HYDIN: variants seen among roughly 807,000 people sequenced by gnomAD.
The protein encoded by HYDIN is axonemal central pair apparatus protein HYDIN.
In HYDIN, 132 loss-of-function variants were observed where a neutral mutation model predicts 403.9. The observed-to-expected ratio is 0.33, with a 90% confidence interval of 0.28 to 0.38. The LOEUF is 0.38. Among genes scored for constraint, HYDIN ranks in the 10% least tolerant of loss-of-function variants. The pLI is 1.00. For missense variants in HYDIN, 2,827 were observed against 5,009.5 expected, an observed-to-expected ratio of 0.56 and a Z score of 13.15; for synonymous variants, 1,202 against 1,891.7, an observed-to-expected ratio of 0.64 and a Z score of 9.46.
chr16:70,931,206 T>C (rs2077312163), intron 45 of HYDIN, among the ~76,000 whole-genome samples: 1 of 111,340 alleles, frequency 9.0e-6, no homozygotes, highest in African/African-American at 3.1e-5. Flanking sequence ...TCTCTCTTTC[T>C]TCTGTTTTTT....
chr16:71,157,458 A>C (rs1462754478), intron 6 of HYDIN, among the ~76,000 whole-genome samples: 1 of 151,352 alleles, frequency 6.6e-6, no homozygotes, highest in Non-Finnish European at 1.5e-5. Context: ...TGTGGTTTTT[A>C]GAACGGATCC....
chr16:71,158,526 C>T (rs1597907790), intron 6 of HYDIN, among the ~76,000 whole-genome samples: 1 of 149,726 alleles, frequency 6.7e-6, no homozygotes, highest in Admixed American at 6.6e-5. Context: ...TCAAATTCAG[C>T]CAAACAGCGC....
chr16:71,190,212 A>T (rs1367280465), intron 1 of HYDIN, among the ~76,000 whole-genome samples: 1 of 152,196 alleles, frequency 6.6e-6, no homozygotes, highest in Admixed American at 6.5e-5. Flanking sequence ...ACAAGGGTAC[A>T]AAATGTATAC....
In HYDIN at chr16:70,882,915, C is replaced by T; in HGVS notation, c.9980-20G>A. ...CGAAGGCTGGGGAGTGAAGGGGAGACCATGAGATGCTGCCTGATTGCTGGA... is the reference window on the plus strand; with the variant it reads ...CGAAGGCTGGGGAGTGAAGGGGAGATCATGAGATGCTGCCTGATTGCTGGA... On this transcript the variant is annotated intron_variant, in intron 59 of 85. Coordinates refer to ENST00000393567, the MANE Select transcript of HYDIN (RefSeq NM_001270974.2). 1 of 1,557,982 alleles carries T rather than the reference C, an allele frequency of 6.4e-7. No individual in the cohort carries two copies. The highest frequency in any genetic ancestry group is 8.9e-7 in the Non-Finnish European group (1 of 1,129,076).
chr16:70,941,368 CA>C, intron 43 of HYDIN: 1 of 278,820 alleles, frequency 3.6e-6, no homozygotes, highest in Non-Finnish European at 6.6e-6. Context: ...ACAAGGAAAT[CA>C]GTTGCCTGAG....
chr16:70,900,639 CGA>C (rs1567794078), intron 53 of HYDIN, among the ~76,000 whole-genome samples: 1 of 148,260 alleles, frequency 6.7e-6, no homozygotes. Context: ...GATAGGAATC[CGA>C]TAGGTGACTG....
chr16:71,228,147 T>C (rs889920323), intron 1 of HYDIN, among the ~76,000 whole-genome samples: 36 of 152,166 alleles, frequency 2.4e-4, no homozygotes, highest in African/African-American at 8.0e-4. Context: ...TTACACCTTA[T>C]ACAAAAATTA....
intron 5 of HYDIN, among the ~76,000 whole-genome samples, chr16:71,164,708 C>T (rs1243500769): frequency 9.9e-6 from 1 of 101,214 alleles, no homozygotes; most frequent in Non-Finnish European, 2.0e-5. Flanking sequence ...AACTTATGTC[C>T]CAAACCAAAG....
intron 23 of HYDIN, among the ~76,000 whole-genome samples, chr16:71,016,027 G>A (rs1244205729): frequency 6.6e-6 from 1 of 151,892 alleles, no homozygotes; most frequent in Non-Finnish European, 1.5e-5. Context: ...GGAGCTCAGT[G>A]CTACACATAC....
In HYDIN at chr16:70,863,169, T is replaced by C; in HGVS notation, c.11485A>G (p.Asn3829Asp). Residue 3829 changes from asparagine (N) to aspartate (D), a missense_variant, in exon 68 of 86, where the codon AAT (asparagine) becomes GAT (aspartate). Transcript: ENST00000393567. ...QTRVFEFDVINSGRVQLEFSW... is the reference protein window; with the variant it reads ...QTRVFEFDVIDSGRVQLEFSW... Reference sequence around the variant, plus strand: ...AATTCCAGCTGGACACGTCCTGAATTAATCACATCGAACCTGCAAATCGAT... The same window carrying C: ...AATTCCAGCTGGACACGTCCTGAATCAATCACATCGAACCTGCAAATCGAT... 1 of 1,613,592 alleles carries C rather than the reference T, an allele frequency of 6.2e-7. No homozygotes were observed. Among genetic ancestry groups the C allele is most frequent in the Non-Finnish European group, 8.5e-7 (1 of 1,179,806 alleles).
intron 14 of HYDIN, among the ~76,000 whole-genome samples, 165 bp from the exon 15 acceptor site, chr16:71,067,555 C>A (rs1018371492): frequency 6.1e-5 from 9 of 147,238 alleles, no homozygotes; most frequent in Admixed American, 5.4e-4. Context: ...GGGGTCAGGG[C>A]ATGCTGAGTG....
intron 3 of HYDIN, among the ~76,000 whole-genome samples, chr16:71,181,930 G>T (rs1367737746): frequency 6.6e-6 from 1 of 152,146 alleles, no homozygotes; most frequent in Non-Finnish European, 1.5e-5. Flanking sequence ...AGGACAAGGA[G>T]ATGGCAGACT....
At chr16:71,044,404 A>T (rs2081387565) in intron 18 of HYDIN, among the ~76,000 whole-genome samples, 1 of 145,250 alleles carries the variant, frequency 6.9e-6, no homozygotes, top group South Asian at 2.3e-4. Context: ...TTGTGGTTTT[A>T]TCTTGCCTGG....
At position 70,933,832 on chromosome 16, in the gene HYDIN, T is replaced by C. The variant is rs1367584588; in HGVS notation, c.7158+2120A>G. On this transcript the variant is annotated intron_variant, in intron 45 of 85. Coordinates refer to ENST00000393567, the MANE Select transcript of HYDIN (RefSeq NM_001270974.2). ...CTGCCTGGAATGCCCTTCACTTCGT[T>C]TTGGAATTTGCAAGCTTTTCCTGAC... 2.0e-5 allele frequency: 3 copies of C among 153,608 alleles called. No individual in the cohort carries two copies. The East Asian group carries it at 5.8e-4, about 30-fold the overall frequency. 9.5% of individuals were successfully genotyped at this position (153,608 alleles called of 1,614,324 possible). A position where few individuals can be genotyped will look rare whatever the true frequency, so the allele number is the denominator to read the frequency against.
chr16:71,079,184 G>A (rs1009948802), intron 13 of HYDIN, among the ~76,000 whole-genome samples: 1 of 152,088 alleles, frequency 6.6e-6, no homozygotes, highest in South Asian at 2.1e-4. Flanking sequence ...TTACAGAATT[G>A]AAAGAGCATC....
intron 45 of HYDIN, among the ~76,000 whole-genome samples, chr16:70,925,841 C>T (rs76180088): frequency 6.6e-6 from 1 of 152,058 alleles, no homozygotes; most frequent in Non-Finnish European, 1.5e-5. Context: ...ATTTATGCAG[C>T]CAAAAAACAC....
intron 38 of HYDIN, 101 bp downstream of exon 38, chr16:70,961,858 G>A (rs2078429526): frequency 1.2e-6 from 1 of 866,068 alleles, no homozygotes; most frequent in African/African-American, 1.8e-5. Flanking sequence ...TGGGCTAGGA[G>A]CCATACGAGG....
rs1418485297 is a variant in HYDIN at position 70,804,765 on chromosome 16, GTGATTAATGC to G, written c.*2805_*2814del. 6.6e-6 allele frequency among the ~76,000 whole-genome samples: 1 copy of G among 152,248 alleles called. No individual in the cohort carries two copies. The highest frequency in any genetic ancestry group is 2.4e-5 in the African/African-American group (1 of 41,464). On this transcript the variant is annotated 3_prime_UTR_variant, in exon 86 of 86. Transcript: ENST00000393567. ...GCAGGTCTGAGCGCAGGCTGATCTAGTGATTAATGCTGAGTGTGCTGCAACCTGGGTTCGT... is the reference window on the plus strand; with the variant it reads ...GCAGGTCTGAGCGCAGGCTGATCTAGTGAGTGTGCTGCAACCTGGGTTCGT...
At chr16:71,034,059 TGTGAATCTCCCAGGAAGCTTC>T (rs2081006540) in intron 18 of HYDIN, among the ~76,000 whole-genome samples, 1 of 151,672 alleles carries the variant, frequency 6.6e-6, no homozygotes, top group African/African-American at 2.4e-5. Context: ...GAATCTTCCT[TGTGAATCTCCCAGGAAGCTTC>T]GTGAAGCTCC....
Sources: gnomAD v4.1 joint callset for allele counts (sites outside exome capture counted in the v4.1 genomes callset) on GRCh38, gnomAD v4.1.1 for gene constraint, MANE v1.5 for transcripts, NCBI Gene and HGNC (gene_info 2026-07-23, HGNC 2026-07-21) for gene names.